C1orf21: variants seen among roughly 807,000 people sequenced by gnomAD.
The protein encoded by C1orf21 is chromosome 1 open reading frame 21.
Under a neutral mutation model 18.7 loss-of-function variants are expected in C1orf21, and 3 were observed. That is an observed-to-expected ratio of 0.16 (90% confidence interval 0.07 to 0.42). The LOEUF is 0.42. Among genes scored for constraint, C1orf21 ranks in the 10% least tolerant of loss-of-function variants. The pLI is 0.99. For synonymous variants in C1orf21, 41 were observed against 46.4 expected, an observed-to-expected ratio of 0.88 and a Z score of 0.47; for missense variants, 104 against 143.6, an observed-to-expected ratio of 0.72 and a Z score of 1.41.
At position 184,621,057 on chromosome 1, in the gene C1orf21, C is replaced by T. The variant is rs1659908972; in HGVS notation, c.*1501C>T. Reference sequence around the variant, plus strand: ...CTTTGAAGGGCCTCAATATTAGCCACACTGCCGCCTGCAGAAGGTGGAGAG... The same window carrying T: ...CTTTGAAGGGCCTCAATATTAGCCATACTGCCGCCTGCAGAAGGTGGAGAG... On this transcript the variant is annotated 3_prime_UTR_variant, in exon 6 of 6. Coordinates refer to ENST00000235307, the MANE Select transcript of C1orf21 (RefSeq NM_030806.4). 1 of 152,566 alleles carries T rather than the reference C, an allele frequency of 6.6e-6. No individual in the cohort carries two copies. Among genetic ancestry groups the T allele is most frequent in the African/African-American group, 2.4e-5 (1 of 41,434 alleles). 9.5% of individuals were successfully genotyped at this position (152,566 alleles called of 1,614,324 possible). A position where few individuals can be genotyped will look rare whatever the true frequency, so the allele number is the denominator to read the frequency against.
At chr1:184,608,439 C>G (rs1282035361) in intron 5 of C1orf21, among the ~76,000 whole-genome samples, 1 of 152,186 alleles carries the variant, frequency 6.6e-6, no homozygotes, top group Non-Finnish European at 1.5e-5. Context: ...GGGCCCTGCT[C>G]TAGGTCACCT....
intron 1 of C1orf21, among the ~76,000 whole-genome samples, chr1:184,391,571 G>A (rs1017168897): frequency 1.3e-5 from 2 of 152,214 alleles, no homozygotes; most frequent in Middle Eastern, 3.2e-3. Context: ...TACATTAGAT[G>A]TGGACTTAAG....
chr1:184,484,010 G>A (rs777008719), intron 2 of C1orf21, among the ~76,000 whole-genome samples: 2 of 151,942 alleles, frequency 1.3e-5, no homozygotes, highest in African/African-American at 2.4e-5. Flanking sequence ...TGCAACCTCC[G>A]TCTCCTGGCT....
chr1:184,586,766 A>T lies in C1orf21; in HGVS notation c.190-3973A>T, dbSNP rs140944071. 1.8e-3 allele frequency among the ~76,000 whole-genome samples: 280 copies of T among 152,024 alleles called. 6 individuals carry two copies. In the East Asian group the frequency reaches 0.046, roughly 25 times the overall value. On this transcript the variant is annotated intron_variant, in intron 3 of 5. Transcript: ENST00000235307. Reference sequence around the variant, plus strand: ...TTTTTTGTTTCATTTTGTTTTGCTGAGCAGAAGCTCTTTAGTTTAATTAAA... The same window carrying T: ...TTTTTTGTTTCATTTTGTTTTGCTGTGCAGAAGCTCTTTAGTTTAATTAAA...
intron 1 of C1orf21, among the ~76,000 whole-genome samples, chr1:184,398,280 C>T (rs1429078738): frequency 6.6e-6 from 1 of 152,210 alleles, no homozygotes; most frequent in Non-Finnish European, 1.5e-5. Flanking sequence ...GAGGAACCCA[C>T]TACTGTTACC....
intron 5 of C1orf21, among the ~76,000 whole-genome samples, chr1:184,618,417 T>A (rs1659864791): frequency 6.6e-6 from 1 of 152,098 alleles, no homozygotes; most frequent in East Asian, 1.9e-4. Flanking sequence ...ATCCCAGAGC[T>A]AGGAAGTCAC....
rs557317442 is a variant in C1orf21 at position 184,471,906 on chromosome 1, G to A, written c.-124-5480G>A. On this transcript the variant is annotated intron_variant, in intron 1 of 5. Coordinates refer to ENST00000235307, the MANE Select transcript of C1orf21 (RefSeq NM_030806.4). ...GCGATTGTTGGGTAATGAAAGGCTT[G>A]ACTTTTCTAGATTATTCTCATGTCA... is the stretch of plus-strand genomic sequence containing the variant. Among the ~76,000 whole-genome samples the A allele has an allele frequency of 1.1e-4, 17 of 152,222 alleles. 1 individual carries two copies. The East Asian group carries it at 3.1e-3, about 28-fold the overall frequency.
At chr1:184,486,525 A>G (rs1657734993) in intron 2 of C1orf21, among the ~76,000 whole-genome samples, 1 of 152,176 alleles carries the variant, frequency 6.6e-6, no homozygotes, top group Non-Finnish European at 1.5e-5. Flanking sequence ...GATGGGCCTG[A>G]GTAGACTGGC....
At chr1:184,533,277 A>G (rs1005212178) in intron 3 of C1orf21, among the ~76,000 whole-genome samples, 2 of 152,072 alleles carry the variant, frequency 1.3e-5, no homozygotes, top group African/African-American at 4.8e-5. Context: ...TCATTAGAGC[A>G]TGGAACCCTA....
rs187974826 is a variant in C1orf21 at position 184,590,004 on chromosome 1, T to C, written c.190-735T>C. On this transcript the variant is annotated intron_variant, in intron 3 of 5. Coordinates refer to ENST00000235307, the MANE Select transcript of C1orf21 (RefSeq NM_030806.4). Reference sequence around the variant, plus strand: ...CATAGGTTCAGAGTGGTCTTTCCTTTCATTTCAGGGGTATGTTTTGTGAGC... The same window carrying C: ...CATAGGTTCAGAGTGGTCTTTCCTTCCATTTCAGGGGTATGTTTTGTGAGC... Among the ~76,000 whole-genome samples, 106 of 152,322 alleles carry C rather than the reference T, an allele frequency of 7.0e-4. 1 individual carries two copies. The highest frequency in any genetic ancestry group is 2.3e-3 in the African/African-American group (95 of 41,580).
At chr1:184,561,764 C>T (rs1349738846) in intron 3 of C1orf21, among the ~76,000 whole-genome samples, 2 of 151,902 alleles carry the variant, frequency 1.3e-5, no homozygotes, top group Non-Finnish European at 2.9e-5. Context: ...ATTACAGGCG[C>T]CCACCACCAT....
At chr1:184,598,931 A>G (rs984260461) in intron 5 of C1orf21, among the ~76,000 whole-genome samples, 4 of 152,228 alleles carry the variant, frequency 2.6e-5, no homozygotes, top group African/African-American at 9.6e-5. Flanking sequence ...TACATTTTAC[A>G]GAAGGAAACA....
At chr1:184,399,848 T>C (rs1425117786) in intron 1 of C1orf21, among the ~76,000 whole-genome samples, 1 of 152,214 alleles carries the variant, frequency 6.6e-6, no homozygotes, top group Non-Finnish European at 1.5e-5. Context: ...CCCTTCTGCA[T>C]TTCCTAGCTG....
At chr1:184,492,980 T>A (rs1023100143) in intron 2 of C1orf21, among the ~76,000 whole-genome samples, 2 of 152,244 alleles carry the variant, frequency 1.3e-5, no homozygotes, top group Non-Finnish European at 2.9e-5. Flanking sequence ...GTTTATTAAC[T>A]TATATAGCTG....
intron 3 of C1orf21, among the ~76,000 whole-genome samples, chr1:184,515,820 ATTTG>A (rs1658216144): frequency 6.6e-6 from 1 of 151,512 alleles, no homozygotes; most frequent in African/African-American, 2.4e-5. Flanking sequence ...ATTAGTTTTC[ATTTG>A]TTTGTTTGTT....
intron 4 of C1orf21, among the ~76,000 whole-genome samples, chr1:184,593,302 CAT>C (rs761328426): frequency 2.1e-4 from 32 of 151,912 alleles, no homozygotes; most frequent in Non-Finnish European, 3.1e-4. Flanking sequence ...TGTACACACA[CAT>C]GTGTGTATGT....
In C1orf21 at chr1:184,625,657, T is replaced by C. The variant is rs988999519; in HGVS notation, c.*6101T>C. On this transcript the variant is annotated 3_prime_UTR_variant, in exon 6 of 6. Coordinates refer to ENST00000235307, the MANE Select transcript of C1orf21 (RefSeq NM_030806.4). The stretch of plus-strand genomic sequence containing the variant: ...TTTTGCCTTTCTGTAATCTCCAAGA[T>C]AGTGTCTAGGAAAGTAATAGTATAA... 6.6e-6 allele frequency: 1 copy of C among 152,570 alleles called. No homozygotes were observed. Among genetic ancestry groups the C allele is most frequent in the South Asian group, 2.1e-4 (1 of 4,828 alleles). 9.5% of individuals were successfully genotyped at this position (152,570 alleles called of 1,614,324 possible).
At chr1:184,556,963 A>G (rs903597052) in intron 3 of C1orf21, among the ~76,000 whole-genome samples, 1 of 152,238 alleles carries the variant, frequency 6.6e-6, no homozygotes, top group African/African-American at 2.4e-5. Context: ...TCTGTTCCCA[A>G]AATGGCTGGT....
intron 1 of C1orf21, among the ~76,000 whole-genome samples, chr1:184,413,419 G>A (rs1023086642): frequency 6.6e-6 from 1 of 152,192 alleles, no homozygotes; most frequent in Non-Finnish European, 1.5e-5. Context: ...ACCAAAATAA[G>A]GGAGTGAAGC....
Sources: allele counts gnomAD v4.1 joint callset (sites outside exome capture counted in the v4.1 genomes callset), GRCh38; gene constraint gnomAD v4.1.1; transcripts MANE v1.5; gene names NCBI Gene and HGNC (gene_info 2026-07-23, HGNC 2026-07-21).